The following SORCS3 variants were observed in gnomAD, a reference collection of about 807,000 sequenced individuals.
The protein encoded by SORCS3 is VPS10 domain-containing receptor SorCS3.
SORCS3 carries 57 observed loss-of-function variants against 146.3 expected under a neutral mutation model. The ratio of observed to expected loss-of-function variants is 0.39; its 90% CI spans 0.31 to 0.49. SORCS3 has a LOEUF of 0.49. Among genes scored for constraint, SORCS3 ranks in the 20% least tolerant of loss-of-function variants. The pLI, the probability that SORCS3 is intolerant of heterozygous loss-of-function variation, is 0.92. For synonymous variants in SORCS3, 653 were observed against 618.5 expected (o/e 1.06, Z -0.83); for missense variants, 1,341 against 1,575.5 (o/e 0.85, Z 2.52).
intron 1 of SORCS3, among the ~76,000 whole-genome samples, chr10:104,741,501 A>G (rs2016841952): frequency 6.6e-6 from 1 of 151,560 alleles, no homozygotes; most frequent in African/African-American, 2.4e-5. Context: ...AAATTTGGGG[A>G]AATATTAGTT....
At chr10:105,006,234 G>A (rs148406101) in intron 4 of SORCS3, among the ~76,000 whole-genome samples, 73 of 152,264 alleles carry the variant, frequency 4.8e-4, no homozygotes, top group African/African-American at 1.8e-3. Context: ...GAGCCACCAC[G>A]CCTGGCCAAT....
chr10:104,969,013 T>C (rs1414403823), intron 3 of SORCS3, among the ~76,000 whole-genome samples: 1 of 152,246 alleles, frequency 6.6e-6, no homozygotes, highest in Non-Finnish European at 1.5e-5. Context: ...TTGAAATCCA[T>C]GTGTAACAAG....
In SORCS3 at chr10:105,059,308, C is replaced by T. The variant is rs1269214576; in HGVS notation, c.1028+16180C>T. ...TCCAGGCATCTTTTCAAAATACATA[C>T]ACTCCCTGCTAGATGAGATAATATA... On this transcript the variant is annotated intron_variant, in intron 5 of 26. Transcript: ENST00000369701. 3.3e-5 allele frequency among the ~76,000 whole-genome samples: 5 copies of T among 152,306 alleles called. No homozygotes were observed. The East Asian group carries it at 9.6e-4, about 29-fold the overall frequency.
At chr10:105,008,464 G>A (rs2055111064) in intron 4 of SORCS3, among the ~76,000 whole-genome samples, 1 of 152,140 alleles carries the variant, frequency 6.6e-6, no homozygotes, top group Non-Finnish European at 1.5e-5. Flanking sequence ...TCATTCTGAT[G>A]TGGCTTTAAG....
chr10:105,122,266 T>A (rs1397355841), intron 7 of SORCS3, among the ~76,000 whole-genome samples: 1 of 152,240 alleles, frequency 6.6e-6, no homozygotes, highest in African/African-American at 2.4e-5. Flanking sequence ...TTAATCACTC[T>A]GCCTATAACT....
Position 105,167,311 on chromosome 10 carries a change from G to A in SORCS3, c.1863G>A (p.Val621=). The A allele has an allele frequency of 6.2e-7, 1 of 1,613,366 alleles. No individual in the cohort carries two copies. Among genetic ancestry groups the A allele is most frequent in the Non-Finnish European group, 8.5e-7 (1 of 1,179,552 alleles). The stretch of plus-strand genomic sequence containing the variant: ...TCCTAGACTGGGGTGGTGCCCTCGT[G>A]GCCATGAAACACACACCTCTGCCAG... ...VWFLDWGGAL[V]AMKHTPLPVR... Residue 621 remains valine, a synonymous_variant, in exon 13 of 27, where the codon GTG becomes GTA. Transcript: ENST00000369701.
At chr10:105,249,857 G>A (rs2056888739) in intron 22 of SORCS3, among the ~76,000 whole-genome samples, 1 of 152,004 alleles carries the variant, frequency 6.6e-6, no homozygotes, top group Non-Finnish European at 1.5e-5. Flanking sequence ...GTACACTCCA[G>A]GCGACAGAGT....
At chr10:105,230,231 A>G (rs1364796149) in intron 20 of SORCS3, among the ~76,000 whole-genome samples, 1 of 151,912 alleles carries the variant, frequency 6.6e-6, no homozygotes, top group African/African-American at 2.4e-5. Context: ...CCAGGCTAAG[A>G]AGTCCTACCC....
rs1452806735 is a variant in SORCS3, at chr10:104,756,289, A to G, written c.628-86503A>G. Among the ~76,000 whole-genome samples the G allele has an allele frequency of 8.5e-5, 13 of 152,310 alleles. No homozygotes were observed. In the East Asian group the frequency reaches 2.3e-3, roughly 27 times the overall value. On this transcript the variant is annotated intron_variant, in intron 1 of 26. Coordinates refer to ENST00000369701, the MANE Select transcript of SORCS3 (RefSeq NM_014978.3). ...GGGGCATATAAAAAGTGCATATAGG[A>G]TCACATAAGAGCACTGTCCTTCAGA...
At chr10:105,056,313 C>A (rs888776280) in intron 5 of SORCS3, among the ~76,000 whole-genome samples, 4 of 152,162 alleles carry the variant, frequency 2.6e-5, no homozygotes, top group African/African-American at 7.2e-5. Flanking sequence ...GGTTTCTACT[C>A]AGTAAGTGCC....
chr10:105,242,102 A>G (rs2056826917), intron 20 of SORCS3, among the ~76,000 whole-genome samples: 2 of 151,910 alleles, frequency 1.3e-5, no homozygotes, highest in South Asian at 4.1e-4. Flanking sequence ...TGTCACTGTC[A>G]CACCACTTTG....
chr10:104,819,139 A>G (rs1343906020), intron 1 of SORCS3, among the ~76,000 whole-genome samples: 2 of 152,132 alleles, frequency 1.3e-5, no homozygotes, highest in African/African-American at 4.8e-5. Flanking sequence ...AGGAATCTCA[A>G]TGTCACTTGA....
At chr10:105,110,076 T>A (rs769678228) in intron 7 of SORCS3, among the ~76,000 whole-genome samples, 6 of 152,070 alleles carry the variant, frequency 3.9e-5, no homozygotes, top group African/African-American at 7.2e-5. Context: ...CCCAACCCTT[T>A]TTTACTCCCT....
chr10:105,101,124 GT>G (rs2055781661), intron 6 of SORCS3, among the ~76,000 whole-genome samples: 3 of 152,200 alleles, frequency 2.0e-5, no homozygotes, highest in Admixed American at 2.0e-4. Context: ...GGCCACACTT[GT>G]TGGAAGCCTA....
chr10:105,223,034 T>G, intron 19 of SORCS3, 82 bp from the exon 20 acceptor site: 3 of 1,401,656 alleles, frequency 2.1e-6, no homozygotes, highest in Non-Finnish European at 2.9e-6. Flanking sequence ...CGAATAGAAT[T>G]TAAGGTTAAG....
chr10:104,844,904 G>T (rs185179874), intron 2 of SORCS3, among the ~76,000 whole-genome samples: 1 of 152,140 alleles, frequency 6.6e-6, no homozygotes, highest in Admixed American at 6.5e-5. Context: ...ATAGATTCTG[G>T]GAGTTAGGAT....
chr10:105,195,483 G>T (rs576709808), intron 14 of SORCS3, among the ~76,000 whole-genome samples: 1 of 152,168 alleles, frequency 6.6e-6, no homozygotes, highest in South Asian at 2.1e-4. Flanking sequence ...TCTGCTCCTT[G>T]GGTATTCATG....
At chr10:105,186,166 T>C (rs1051800206) in intron 14 of SORCS3, among the ~76,000 whole-genome samples, 1 of 152,226 alleles carries the variant, frequency 6.6e-6, no homozygotes, top group African/African-American at 2.4e-5. Context: ...TGGGTCATGG[T>C]GAATTGACAT....
chr10:104,784,489 C>T (rs576038012), intron 1 of SORCS3, among the ~76,000 whole-genome samples: 3 of 152,330 alleles, frequency 2.0e-5, no homozygotes, highest in East Asian at 3.9e-4. Context: ...CAAAATCAAG[C>T]TTTGAAGCCA....
Sources: allele counts gnomAD v4.1 joint callset (sites outside exome capture counted in the v4.1 genomes callset), GRCh38; gene constraint gnomAD v4.1.1; transcripts MANE v1.5; gene names NCBI Gene and HGNC (gene_info 2026-07-23, HGNC 2026-07-21).